Variants in AGBL4 observed in about 807,000 individuals in gnomAD.
AGBL4 encodes cytosolic carboxypeptidase 6.
Under a neutral mutation model 66.4 loss-of-function variants are expected in AGBL4, and 58 were observed. The ratio of observed to expected loss-of-function variants is 0.87; its 90% CI spans 0.71 to 1.09. The LOEUF (loss-of-function observed/expected upper bound fraction) is 1.09, where lower values mean the gene tolerates loss of function less well. AGBL4 is among the 50% of genes least tolerant of loss of function. AGBL4 has a pLI of 0.00. For missense variants in AGBL4, 579 were observed against 631.0 expected (o/e 0.92, Z 0.88); for synonymous variants, 234 against 222.9 (o/e 1.05, Z -0.44).
In AGBL4 at chr1:48,965,229, G is replaced by A. The variant is rs947574736; in HGVS notation, c.594+80355C>T. Among the ~76,000 whole-genome samples the A allele has an allele frequency of 3.9e-5, 6 of 152,126 alleles. No homozygotes were observed. In the South Asian group the frequency reaches 1.2e-3, roughly 32 times the overall value. On this transcript the variant is annotated intron_variant, in intron 5 of 13. Transcript: ENST00000371839. ...CAGGGATACAGGATTGCAAAGATAA[G>A]AGAACATTTAGGAAAAGTCAGACAT...
chr1:49,786,157 T>C (rs1644450315), intron 2 of AGBL4, among the ~76,000 whole-genome samples: 1 of 150,074 alleles, frequency 6.7e-6, no homozygotes, highest in African/African-American at 2.5e-5. Context: ...AATTCCATGA[T>C]GCAGAGAGAA....
intron 6 of AGBL4, among the ~76,000 whole-genome samples, chr1:48,861,609 A>G (rs1647482618): frequency 6.6e-6 from 1 of 152,230 alleles, no homozygotes; most frequent in South Asian, 2.1e-4. Context: ...ATACTTCTCC[A>G]CTGTGAATTC....
intron 3 of AGBL4, among the ~76,000 whole-genome samples, chr1:49,685,976 T>C (rs1226098880): frequency 6.6e-6 from 1 of 152,160 alleles, no homozygotes; most frequent in Non-Finnish European, 1.5e-5. Context: ...TTTACCATGG[T>C]CTATATCCAG....
rs1353672604 is a variant in AGBL4, at chr1:48,991,268, T to G, written c.594+54316A>C. Among the ~76,000 whole-genome samples the G allele has an allele frequency of 3.3e-5, 5 of 152,182 alleles. No homozygotes were observed. In the South Asian group the frequency reaches 6.2e-4, roughly 19 times the overall value. On this transcript the variant is annotated intron_variant, in intron 5 of 13. Transcript: ENST00000371839. ...ATAGTGTACAATTTTTTTGTTTTTTTTGTGTGTTTTTCCTTCAGCACTTTA... is the reference window on the plus strand; with the variant it reads ...ATAGTGTACAATTTTTTTGTTTTTTGTGTGTGTTTTTCCTTCAGCACTTTA...
intron 1 of AGBL4, among the ~76,000 whole-genome samples, chr1:49,940,757 C>T (rs549798299): frequency 3.3e-4 from 50 of 151,772 alleles, no homozygotes; most frequent in African/African-American, 8.7e-4. Flanking sequence ...TGCTAAATGA[C>T]GAGTTAATGG....
chr1:49,748,706 G>C (rs1651200481), intron 2 of AGBL4, among the ~76,000 whole-genome samples: 1 of 152,166 alleles, frequency 6.6e-6, no homozygotes, highest in Non-Finnish European at 1.5e-5. Context: ...CATTATGACT[G>C]GTGTGAGATG....
chr1:49,437,977 A>G (rs1409358519), intron 3 of AGBL4, among the ~76,000 whole-genome samples: 1 of 152,190 alleles, frequency 6.6e-6, no homozygotes, highest in East Asian at 1.9e-4. Flanking sequence ...ATATTTAAAT[A>G]AACCAGGTAC....
intron 3 of AGBL4, among the ~76,000 whole-genome samples, chr1:49,533,259 C>T (rs1651287941): frequency 6.6e-6 from 1 of 152,126 alleles, no homozygotes; most frequent in African/African-American, 2.4e-5. Flanking sequence ...TCCTGGACTT[C>T]CACTATGCCC....
intron 3 of AGBL4, among the ~76,000 whole-genome samples, chr1:49,365,751 G>A (rs756713908): frequency 1.3e-5 from 2 of 151,906 alleles, no homozygotes; most frequent in Non-Finnish European, 2.9e-5. Context: ...ACCTCTGCTT[G>A]TCTTTGTTTT....
intron 5 of AGBL4, among the ~76,000 whole-genome samples, chr1:48,941,016 A>C (rs1655926294): frequency 6.6e-6 from 1 of 152,180 alleles, no homozygotes; most frequent in South Asian, 2.1e-4. Context: ...GAAAAGAGAA[A>C]AAGAAGAAAG....
chr1:49,900,546 T>C (rs1649667913), intron 1 of AGBL4, among the ~76,000 whole-genome samples: 1 of 152,144 alleles, frequency 6.6e-6, no homozygotes, highest in Non-Finnish European at 1.5e-5. Flanking sequence ...AGCCCAGCTG[T>C]CAAGAGGTTT....
chr1:49,090,835 C>G (rs1350334199), intron 4 of AGBL4, among the ~76,000 whole-genome samples: 1 of 152,120 alleles, frequency 6.6e-6, no homozygotes, highest in African/African-American at 2.4e-5. Context: ...TGACTTCAAA[C>G]TATATTACAA....
chr1:49,465,709 A>G (rs1557966361), intron 3 of AGBL4, among the ~76,000 whole-genome samples: 1 of 151,874 alleles, frequency 6.6e-6, no homozygotes, highest in Non-Finnish European at 1.5e-5. Flanking sequence ...GCCCACATAT[A>G]AAGAGGTGGT....
intron 1 of AGBL4, among the ~76,000 whole-genome samples, chr1:49,987,828 AT>A (rs1397526135): frequency 6.6e-6 from 1 of 151,990 alleles, no homozygotes; most frequent in Non-Finnish European, 1.5e-5. Flanking sequence ...CTTTGCAACT[AT>A]TAACTCACTT....
At chr1:49,589,880 T>C (rs921658737) in intron 3 of AGBL4, among the ~76,000 whole-genome samples, 2 of 152,076 alleles carry the variant, frequency 1.3e-5, no homozygotes, top group African/African-American at 4.8e-5. Flanking sequence ...TTTCTTTATC[T>C]TGTGACAAGT....
chr1:49,015,422 A>AT (rs549726675), intron 5 of AGBL4, among the ~76,000 whole-genome samples: 4,623 of 128,646 alleles, frequency 0.036, 245 homozygotes, highest in African/African-American at 0.11. Flanking sequence ...ATTTCAAGTA[A>AT]TTTTTTTTTT....
chr1:49,253,545 C>T (rs915074905), intron 3 of AGBL4, among the ~76,000 whole-genome samples: 15 of 151,768 alleles, frequency 9.9e-5, no homozygotes, highest in African/African-American at 3.6e-4. Context: ...GCCTACCAAC[C>T]AAAAAAAGCT....
At chr1:48,826,152 T>C (rs1443280938) in intron 6 of AGBL4, among the ~76,000 whole-genome samples, 1 of 152,174 alleles carries the variant, frequency 6.6e-6, no homozygotes, top group African/African-American at 2.4e-5. Flanking sequence ...ACTCCTTTGA[T>C]AACCCTTCCC....
intron 6 of AGBL4, among the ~76,000 whole-genome samples, chr1:48,808,453 A>G (rs1376087774): frequency 6.6e-6 from 1 of 152,212 alleles, no homozygotes; most frequent in Non-Finnish European, 1.5e-5. Flanking sequence ...GTCAGACCTA[A>G]CTTCCAGGGC....
Sources: allele counts gnomAD v4.1 joint callset (sites outside exome capture counted in the v4.1 genomes callset), GRCh38; gene constraint gnomAD v4.1.1; transcripts MANE v1.5; gene names NCBI Gene and HGNC (gene_info 2026-07-23, HGNC 2026-07-21).